PPP2R5E: variants seen among roughly 807,000 people sequenced by gnomAD.
PPP2R5E encodes protein phosphatase 2 regulatory subunit B'epsilon.
A neutral mutation model predicts 65.3 loss-of-function variants in PPP2R5E; 4 were observed. The ratio of observed to expected loss-of-function variants is 0.06; its 90% CI spans 0.03 to 0.14. The LOEUF is 0.14. Among genes scored for constraint, PPP2R5E ranks in the 10% least tolerant of loss-of-function variants. The probability of loss-of-function intolerance (pLI) is 1.00; values close to 1 mark genes in which losing one functional copy is unlikely to be tolerated. For synonymous variants in PPP2R5E, 183 were observed against 187.4 expected (o/e 0.98, Z 0.19); for missense variants, 274 against 556.1 (o/e 0.49, Z 5.10).
chr14:63,532,384 G>A (rs1279592370), intron 2 of PPP2R5E, among the ~76,000 whole-genome samples: 1 of 152,140 alleles, frequency 6.6e-6, no homozygotes, highest in Non-Finnish European at 1.5e-5. Context: ...TACTAATGCA[G>A]TAGATGCAAC....
chr14:63,408,307 G>C (rs1455349068), intron 5 of PPP2R5E, among the ~76,000 whole-genome samples: 2 of 151,884 alleles, frequency 1.3e-5, no homozygotes, highest in Non-Finnish European at 2.9e-5. Context: ...AGAATTGTTG[G>C]GTCTAAATTT....
In PPP2R5E at chr14:63,396,340, G is replaced by A. The variant is rs368992353; in HGVS notation, c.680+246C>T. Among the ~76,000 whole-genome samples, 443 of 113,842 alleles carry A rather than the reference G, an allele frequency of 3.9e-3. 5 individuals are homozygous for A. The highest frequency in any genetic ancestry group is 0.013 in the African/African-American group (385 of 29,040). 74.7% of individuals were successfully genotyped at this position (113,842 alleles called of 152,430 possible). A position where few individuals can be genotyped will look rare whatever the true frequency, so the allele number is the denominator to read the frequency against. ...AGGGAGAGGAAGAGGAAAAGAGGAG[G>A]AAGAGGAGGGTGGGAGGAGAAGATG... On this transcript the variant is annotated intron_variant, in intron 6 of 13. Transcript: ENST00000337537.
intron 12 of PPP2R5E, among the ~76,000 whole-genome samples, chr14:63,382,389 T>C: frequency 6.6e-6 from 1 of 151,238 alleles, no homozygotes; most frequent in East Asian, 2.0e-4. Context: ...AATCTAACTT[T>C]GCCCTTCTAA....
intron 13 of PPP2R5E, among the ~76,000 whole-genome samples, chr14:63,377,084 G>C (rs1286534646): frequency 1.3e-5 from 2 of 150,208 alleles, no homozygotes; most frequent in Admixed American, 6.6e-5. Flanking sequence ...GGTGGACGGA[G>C]ATTGCAGCGA....
chr14:63,528,973 A>G (rs1325301667), intron 2 of PPP2R5E, among the ~76,000 whole-genome samples: 3 of 152,216 alleles, frequency 2.0e-5, no homozygotes, highest in Non-Finnish European at 4.4e-5. Context: ...TAAAATAATT[A>G]AAGATTATAA....
At chr14:63,437,919 C>T (rs1172415747) in intron 3 of PPP2R5E, among the ~76,000 whole-genome samples, 1 of 152,178 alleles carries the variant, frequency 6.6e-6, no homozygotes, top group Non-Finnish European at 1.5e-5. Context: ...CATGACCCCA[C>T]CAGCTGTCCC....
intron 2 of PPP2R5E, among the ~76,000 whole-genome samples, chr14:63,467,878 A>G (rs1006266907): frequency 2.6e-5 from 4 of 152,228 alleles, no homozygotes; most frequent in Admixed American, 6.5e-5. Flanking sequence ...GATGGGCTAC[A>G]GAGTTAGACT....
At chr14:63,390,692 C>T (rs1449914384) in intron 10 of PPP2R5E, among the ~76,000 whole-genome samples, 1 of 152,122 alleles carries the variant, frequency 6.6e-6, no homozygotes, top group Admixed American at 6.6e-5. Flanking sequence ...AGAAGGAAGG[C>T]GTTTCTGCTA....
chr14:63,509,988 T>C (rs1292751495), intron 2 of PPP2R5E, among the ~76,000 whole-genome samples: 1 of 152,206 alleles, frequency 6.6e-6, no homozygotes, highest in Non-Finnish European at 1.5e-5. Flanking sequence ...TTGCTCCATG[T>C]GCCACCCTCT....
intron 2 of PPP2R5E, among the ~76,000 whole-genome samples, chr14:63,516,221 C>A (rs763676140): frequency 6.6e-6 from 1 of 152,066 alleles, no homozygotes; most frequent in Non-Finnish European, 1.5e-5. Context: ...CTTATCTCAA[C>A]AGAAACTGAA....
chr14:63,426,628 T>C (rs1400140033), intron 3 of PPP2R5E, among the ~76,000 whole-genome samples: 2 of 151,378 alleles, frequency 1.3e-5, no homozygotes, highest in East Asian at 3.9e-4. Flanking sequence ...GGTCTTGAAC[T>C]TGTTTATATA....
chr14:63,439,972 T>C (rs1044030569), intron 3 of PPP2R5E, among the ~76,000 whole-genome samples: 1 of 152,206 alleles, frequency 6.6e-6, no homozygotes, highest in Non-Finnish European at 1.5e-5. Flanking sequence ...GCACTTTCAA[T>C]TTCCATATAC....
At chr14:63,459,506 T>C (rs781274283) in intron 2 of PPP2R5E, among the ~76,000 whole-genome samples, 3 of 152,160 alleles carry the variant, frequency 2.0e-5, no homozygotes, top group African/African-American at 7.2e-5. Context: ...AAATATAACA[T>C]GTTGATTACA....
intron 2 of PPP2R5E, among the ~76,000 whole-genome samples, chr14:63,535,193 G>A (rs1893619289): frequency 6.6e-6 from 1 of 152,062 alleles, no homozygotes; most frequent in Admixed American, 6.6e-5. Context: ...GGGAGGCCAA[G>A]GCAGGTGGAT....
chr14:63,431,008 C>A (rs913853195), intron 3 of PPP2R5E, among the ~76,000 whole-genome samples: 1 of 151,864 alleles, frequency 6.6e-6, no homozygotes, highest in Admixed American at 6.6e-5. Flanking sequence ...GGTGGCTCAC[C>A]CCTGTAATCC....
chr14:63,438,022 A>G (rs958991834), intron 3 of PPP2R5E, among the ~76,000 whole-genome samples: 2 of 152,174 alleles, frequency 1.3e-5, no homozygotes, highest in Non-Finnish European at 2.9e-5. Context: ...CATTTTTCAG[A>G]GGCAACTTGC....
chr14:63,453,503 A>G (rs1888965656), intron 3 of PPP2R5E, 186 bp downstream of exon 3: 2 of 471,086 alleles, frequency 4.2e-6, no homozygotes, highest in South Asian at 9.6e-5. Context: ...AAAGTTCTGG[A>G]TTTCGTTCTC....
intron 3 of PPP2R5E, among the ~76,000 whole-genome samples, chr14:63,429,689 GTTTTTT>G (rs113618626): frequency 6.9e-6 from 1 of 144,418 alleles, no homozygotes; most frequent in African/African-American, 2.5e-5. Context: ...TTTGTTTTTT[GTTTTTT>G]TTTTTGAGAC....
chr14:63,462,083 T>C (rs1167175081), intron 2 of PPP2R5E, among the ~76,000 whole-genome samples: 1 of 151,962 alleles, frequency 6.6e-6, no homozygotes, highest in East Asian at 1.9e-4. Context: ...ATTTTTTTTT[T>C]TTTTTTAGAC....
Sources: allele counts gnomAD v4.1 joint callset (sites outside exome capture counted in the v4.1 genomes callset), GRCh38; gene constraint gnomAD v4.1.1; transcripts MANE v1.5; gene names NCBI Gene and HGNC (gene_info 2026-07-23, HGNC 2026-07-21).